The following HACD1 variants were observed in gnomAD, a reference collection of about 807,000 sequenced individuals.
HACD1 encodes the protein 3-hydroxyacyl-CoA dehydratase 1, also known as very-long-chain (3R)-3-hydroxyacyl-CoA dehydratase 1.
In HACD1, 41 loss-of-function variants were observed where a neutral mutation model predicts 32.0. The observed-to-expected ratio is 1.28, with a 90% confidence interval of 1.00 to 1.66. HACD1 has a LOEUF of 1.66. Among genes scored for constraint, HACD1 ranks in the 40% most tolerant of loss-of-function variants. HACD1 has a pLI of 0.00. For synonymous variants in HACD1, 142 were observed against 139.0 expected (o/e 1.02, Z -0.15); for missense variants, 396 against 380.1 (o/e 1.04, Z -0.35).
At chr10:17,604,395 A>G (rs1834115563) in intron 1 of HACD1, among the ~76,000 whole-genome samples, 2 of 151,454 alleles carry the variant, frequency 1.3e-5, no homozygotes, top group East Asian at 1.9e-4. Context: ...GAGGCAGGAG[A>G]ATGGTGTGAA....
intron 1 of HACD1, chr10:17,616,043 C>A: frequency 1.1e-5 from 2 of 189,218 alleles, no homozygotes; most frequent in Non-Finnish European, 1.1e-5. Context: ...CCGAGGCGGG[C>A]GGATCATGAG....
intron 1 of HACD1, among the ~76,000 whole-genome samples, chr10:17,606,168 TC>T (rs1388303501): frequency 4.0e-5 from 6 of 151,374 alleles, no homozygotes; most frequent in Non-Finnish European, 5.9e-5. Context: ...AGACCCTGTC[TC>T]AAAAAAAACA....
In HACD1 at chr10:17,599,330, T is replaced by C. The variant is rs1564506540; in HGVS notation, c.565A>G (p.Ser189Gly). 3.1e-6 allele frequency: 5 copies of C among 1,614,032 alleles called. No homozygotes were observed. Among genetic ancestry groups the C allele is most frequent in the Non-Finnish European group, 4.2e-6 (5 of 1,180,010 alleles). The change falls in exon 5 of 7, where the codon AGC becomes GGC. Residue 189 changes from serine (S) to glycine (G), a missense_variant. Coordinates refer to ENST00000361271, the MANE Select transcript of HACD1 (RefSeq NM_014241.4). ...AAGTATGGCAAGTGGTCAAGAAGGC[T>C]GAATGTGTAGAAGGAATAGCGAGTG... ...EITRYSFYTFSLLDHLPYFIK... is the reference protein window; with the variant it reads ...EITRYSFYTFGLLDHLPYFIK...
rs1834104634 is a variant in HACD1 at position 17,603,803 on chromosome 10, T to A, written c.376-59A>T. On this transcript the variant is annotated intron_variant, in intron 2 of 6. Transcript: ENST00000361271. ...TAATAGAAAACATTAAATAAACCACTGTCAACATTGGCATTCAGCAAATCC... is the reference window on the plus strand; with the variant it reads ...TAATAGAAAACATTAAATAAACCACAGTCAACATTGGCATTCAGCAAATCC... The A allele has an allele frequency of 9.1e-6, 14 of 1,538,146 alleles. No individual in the cohort carries two copies. The South Asian group carries it at 1.6e-4, about 18-fold the overall frequency.
At chr10:17,599,450 G>T in intron 4 of HACD1, 39 bp from the exon 5 acceptor site, 1 of 1,586,222 alleles carries the variant, frequency 6.3e-7, no homozygotes. Context: ...ATTCAACCTA[G>T]AACTTACTTT....
chr10:17,595,015 C>T (rs111463563), intron 5 of HACD1, among the ~76,000 whole-genome samples: 31 of 152,066 alleles, frequency 2.0e-4, no homozygotes, highest in African/African-American at 3.6e-4. Flanking sequence ...CCCGCCACCA[C>T]GCCCGGTTAA....
chr10:17,590,320 A>T lies in HACD1; in HGVS notation c.*44T>A. 1 of 1,359,134 alleles carries T rather than the reference A, an allele frequency of 7.4e-7. No homozygotes were observed. Among genetic ancestry groups the T allele is most frequent in the Non-Finnish European group, 1.0e-6 (1 of 979,294 alleles). The allele number at this position is 1,359,134 out of a possible 1,614,324, so 84.2% of individuals were successfully genotyped here. On this transcript the variant is annotated 3_prime_UTR_variant, in exon 7 of 7. Coordinates refer to ENST00000361271, the MANE Select transcript of HACD1 (RefSeq NM_014241.4). ...TTGTTATTAAAACTTGGACTCAGGT[A>T]ATCTTGGTTATTCTGGAAAAAGCAC... is the stretch of plus-strand genomic sequence containing the variant.
chr10:17,595,127 G>T (rs1833980092), intron 5 of HACD1, among the ~76,000 whole-genome samples: 1 of 152,074 alleles, frequency 6.6e-6, no homozygotes, highest in Admixed American at 6.6e-5. Context: ...CCAAAGTGCT[G>T]GGATTACAGA....
At chr10:17,599,235 A>T (rs981321846) in intron 5 of HACD1, 55 bp downstream of exon 5, 3 of 1,592,392 alleles carry the variant, frequency 1.9e-6, no homozygotes, top group Non-Finnish European at 1.7e-6. Flanking sequence ...TGGCGTTAGC[A>T]CACAAAATAA....
rs1221843596 is a variant in HACD1, at chr10:17,617,112, G to T, written c.228C>A (p.Leu76=). Residue 76 remains leucine (L), a synonymous_variant, in exon 1 of 7, where the codon CTC becomes CTA. Transcript: ENST00000361271. ...CGGTCATGGCGATGTCGTAGAAGGT[G>T]AGCCAGGCGGTGGCCAAGACCCCCA... ...RRLGVLATAW[L]TFYDIAMTAG... is the part of the protein sequence containing the mutation. The T allele has an allele frequency of 2.0e-6, 3 of 1,501,624 alleles. No individual in the cohort carries two copies. Among genetic ancestry groups the T allele is most frequent in the African/African-American group, 2.9e-5 (2 of 68,760 alleles). The allele number at this position is 1,501,624 out of a possible 1,614,324, so 93.0% of individuals were successfully genotyped here. A position where few individuals can be genotyped will look rare whatever the true frequency, so the allele number is the denominator to read the frequency against.
chr10:17,609,692 AACCACTTTGGAAACCAGTT>A (rs1834202606), intron 1 of HACD1, among the ~76,000 whole-genome samples: 1 of 152,182 alleles, frequency 6.6e-6, no homozygotes, highest in African/African-American at 2.4e-5. Flanking sequence ...AAAAGGGTAT[AACCACTTTGGAAACCAGTT>A]TGGCGGTTTC....
chr10:17,592,187 G>T (rs529156982), intron 6 of HACD1, among the ~76,000 whole-genome samples: 112 of 151,704 alleles, frequency 7.4e-4, no homozygotes, highest in Non-Finnish European at 1.4e-3. Flanking sequence ...TCACCATGGT[G>T]GTCAGGCTGG....
At chr10:17,603,783 G>C in intron 2 of HACD1, 39 bp from the exon 3 acceptor site, 1 of 1,570,114 alleles carries the variant, frequency 6.4e-7, no homozygotes, top group Non-Finnish European at 8.7e-7. Flanking sequence ...GTCAATAATA[G>C]AAAACATTAA....
chr10:17,603,573 T>C lies in HACD1; in HGVS notation c.470A>G (p.His157Arg). 6.2e-7 allele frequency: 1 copy of C among 1,610,836 alleles called. No individual in the cohort carries two copies. The highest frequency in any genetic ancestry group is 8.5e-7 in the Non-Finnish European group (1 of 1,177,160). The stretch of plus-strand genomic sequence containing the variant: ...TGTGTCACTTACTGGTTTTATACTG[T>C]GAGTAATGAGCCACACCATAAAGAT... ...SRIFMVWLIT[H>R]SIKPIQNEES... Residue 157 changes from histidine to arginine, a missense_variant, in exon 4 of 7, where the codon CAC (histidine) becomes CGC (arginine). Transcript: ENST00000361271.
intron 1 of HACD1, among the ~76,000 whole-genome samples, chr10:17,616,525 GCTT>G (rs1833086829): frequency 1.3e-5 from 2 of 151,908 alleles, no homozygotes; most frequent in Non-Finnish European, 2.9e-5. Context: ...TCAAGGTCCA[GCTT>G]ATCAGCCACG....
intron 6 of HACD1, among the ~76,000 whole-genome samples, chr10:17,591,956 C>T (rs1191477120): frequency 6.8e-6 from 1 of 147,812 alleles, no homozygotes; most frequent in African/African-American, 2.5e-5. Context: ...TCAAACCCTG[C>T]CTTAACTCAC....
chr10:17,594,011 C>A (rs1469449712), intron 6 of HACD1, among the ~76,000 whole-genome samples, 194 bp downstream of exon 6: 7 of 152,284 alleles, frequency 4.6e-5, no homozygotes, highest in Non-Finnish European at 7.3e-5. Flanking sequence ...CCTTTATTCT[C>A]ATAGCTAATG....
intron 1 of HACD1, among the ~76,000 whole-genome samples, chr10:17,611,810 C>CA (rs1564511689): frequency 6.6e-6 from 1 of 151,772 alleles, no homozygotes; most frequent in Non-Finnish European, 1.5e-5. Context: ...ACTAAAAATA[C>CA]AAAAAAATTA....
intron 4 of HACD1, 59 bp from the exon 5 acceptor site, chr10:17,599,470 G>C: frequency 6.4e-7 from 1 of 1,552,294 alleles, no homozygotes; most frequent in Non-Finnish European, 8.7e-7. Flanking sequence ...TTCAGTGAAG[G>C]TACTTACTTT....
Sources: gnomAD v4.1 joint callset for allele counts (sites outside exome capture counted in the v4.1 genomes callset) on GRCh38, gnomAD v4.1.1 for gene constraint, MANE v1.5 for transcripts, NCBI Gene and HGNC (gene_info 2026-07-23, HGNC 2026-07-21) for gene names.